Variants in CNKSR2 observed in about 807,000 individuals in gnomAD.
CNKSR2 encodes the protein connector enhancer of kinase suppressor of Ras 2.
In CNKSR2, 14 loss-of-function variants were observed where a neutral mutation model predicts 84.4. The observed-to-expected ratio is 0.17, with a 90% CI of 0.11 to 0.26. The LOEUF is 0.26. Among genes scored for constraint, CNKSR2 ranks in the 10% least tolerant of loss-of-function variants. The probability of loss-of-function intolerance (pLI) is 1.00; values close to 1 mark genes in which losing one functional copy is unlikely to be tolerated. For missense variants in CNKSR2, 485 were observed against 771.2 expected, an observed-to-expected ratio of 0.63 and a Z score of 4.40; for synonymous variants, 275 against 277.9, an observed-to-expected ratio of 0.99 and a Z score of 0.10.
At chrX:21,545,829 G>A (rs1431299562) in intron 11 of CNKSR2, among the ~76,000 whole-genome samples, 1 of 112,013 alleles carries the variant, frequency 8.9e-6, no homozygotes, top group African/African-American at 3.3e-5. Context: ...TGCACCAGAG[G>A]GACCTGACTG....
At chrX:21,622,984 G>C in intron 20 of CNKSR2, among the ~76,000 whole-genome samples, 2 of 111,256 alleles carry the variant, frequency 1.8e-5, no homozygotes, top group South Asian at 7.6e-4. Flanking sequence ...CTGTGTTCTT[G>C]CATGCCTCAG....
chrX:21,563,643 C>T (rs886425776), intron 13 of CNKSR2, among the ~76,000 whole-genome samples, 191 bp downstream of exon 13: 42 of 111,212 alleles, frequency 3.8e-4, no homozygotes, highest in African/African-American at 1.3e-3. Context: ...TCAATGAGTT[C>T]ATAGTTGTAG....
chrX:21,574,403 C>G (rs1019983452), intron 13 of CNKSR2, among the ~76,000 whole-genome samples: 1 of 111,544 alleles, frequency 9.0e-6, no homozygotes, highest in Non-Finnish European at 1.9e-5. Flanking sequence ...ACCCAGGACT[C>G]GGTAATTATA....
At chrX:21,378,154 C>G in intron 1 of CNKSR2, among the ~76,000 whole-genome samples, 1 of 111,539 alleles carries the variant, frequency 9.0e-6, no homozygotes, top group Middle Eastern at 4.7e-3. Flanking sequence ...AAATAAGTAG[C>G]TATATCCCAA....
At chrX:21,532,491 A>G (rs1251687970) in intron 11 of CNKSR2, among the ~76,000 whole-genome samples, 2 of 110,384 alleles carry the variant, frequency 1.8e-5, no homozygotes, top group Non-Finnish European at 3.8e-5. Context: ...AATTTTCTCG[A>G]GAAATTCTCA....
chrX:21,636,633 A>G (rs1424232714), intron 20 of CNKSR2, among the ~76,000 whole-genome samples: 1 of 111,249 alleles, frequency 9.0e-6, no homozygotes, highest in Admixed American at 9.7e-5. Context: ...ATATTTAAAA[A>G]TATGGATGGA....
At chrX:21,461,332 T>C (rs1335895290) in intron 4 of CNKSR2, among the ~76,000 whole-genome samples, 8 of 112,737 alleles carry the variant, frequency 7.1e-5, no homozygotes, top group Non-Finnish European at 1.1e-4. Flanking sequence ...GTATGTCTTC[T>C]TTTGAAAACT....
intron 4 of CNKSR2, among the ~76,000 whole-genome samples, chrX:21,447,340 C>T (rs1335577345): frequency 9.0e-6 from 1 of 111,444 alleles, no homozygotes; most frequent in Non-Finnish European, 1.9e-5. Context: ...CTCATCTTTA[C>T]AGCTGTGAAT....
chrX:21,404,816 C>T (rs1364556519), intron 1 of CNKSR2, among the ~76,000 whole-genome samples: 1 of 88,637 alleles, frequency 1.1e-5, no homozygotes, highest in Admixed American at 1.2e-4. Context: ...AAAAAAAGTA[C>T]AATATAAAGT....
chrX:21,581,841 A>T (rs2092355382), intron 13 of CNKSR2, among the ~76,000 whole-genome samples: 1 of 112,133 alleles, frequency 8.9e-6, no homozygotes. Context: ...AGTAGGTAAA[A>T]ACCATTCCTT....
At position 21,515,902 on chromosome X, in the gene CNKSR2, T is replaced by C. The variant is rs758733224; in HGVS notation, c.811-583T>C. Among the ~76,000 whole-genome samples the C allele has an allele frequency of 8.9e-5, 10 of 112,036 alleles. No homozygotes were observed. The South Asian group carries it at 2.9e-3, about 33-fold the overall frequency. On this transcript the variant is annotated intron_variant, in intron 8 of 21. Coordinates refer to ENST00000379510, the MANE Select transcript of CNKSR2 (RefSeq NM_014927.5). ...CTGCTTCATTGGAGTAGTATTATCT[T>C]GTTATTTTTGTTCTATCTTTATAGC...
At chrX:21,375,498 C>G (rs898628279) in intron 1 of CNKSR2, among the ~76,000 whole-genome samples, 7 of 112,205 alleles carry the variant, frequency 6.2e-5, no homozygotes, top group Admixed American at 1.9e-4. Flanking sequence ...TGGCATCCCC[C>G]CACACCCAGA....
chrX:21,408,852 G>A (rs1460569149), intron 1 of CNKSR2, among the ~76,000 whole-genome samples: 1 of 110,487 alleles, frequency 9.1e-6, no homozygotes, highest in Non-Finnish European at 1.9e-5. Flanking sequence ...TTTTTCAGCA[G>A]TAATGTAATC....
intron 13 of CNKSR2, among the ~76,000 whole-genome samples, chrX:21,582,032 A>G (rs1176774824): frequency 9.0e-6 from 1 of 111,650 alleles, no homozygotes; most frequent in Non-Finnish European, 1.9e-5. Context: ...AGTTCTGTTA[A>G]TAGGCTTGTA....
At chrX:21,506,994 T>C (rs1354300879) in intron 8 of CNKSR2, among the ~76,000 whole-genome samples, 4 of 109,277 alleles carry the variant, frequency 3.7e-5, no homozygotes. Flanking sequence ...CCCGTTTTTT[T>C]TTTTTATCTC....
At chrX:21,443,347 C>T (rs1349971821) in intron 4 of CNKSR2, among the ~76,000 whole-genome samples, 1 of 111,174 alleles carries the variant, frequency 9.0e-6, no homozygotes, top group Non-Finnish European at 1.9e-5. Flanking sequence ...GCTGCATTTA[C>T]AGTGAAATCT....
intron 1 of CNKSR2, among the ~76,000 whole-genome samples, chrX:21,377,501 C>A (rs2089835849): frequency 8.9e-6 from 1 of 111,801 alleles, no homozygotes; most frequent in South Asian, 3.7e-4. Flanking sequence ...AAAGGCAGTA[C>A]CAAAGAATGA....
intron 8 of CNKSR2, among the ~76,000 whole-genome samples, chrX:21,510,581 A>G (rs1179147442): frequency 9.0e-6 from 1 of 110,906 alleles, no homozygotes; most frequent in Non-Finnish European, 1.9e-5. Context: ...TTCAGCACCA[A>G]CCCCAAAGCC....
At chrX:21,395,043 A>G (rs1342310726) in intron 1 of CNKSR2, among the ~76,000 whole-genome samples, 1 of 111,900 alleles carries the variant, frequency 8.9e-6, no homozygotes. Flanking sequence ...TTAAGACTGC[A>G]AATTAGTTCC....
Sources: gnomAD v4.1 joint callset for allele counts (sites outside exome capture counted in the v4.1 genomes callset) on GRCh38, gnomAD v4.1.1 for gene constraint, MANE v1.5 for transcripts, NCBI Gene and HGNC (gene_info 2026-07-23, HGNC 2026-07-21) for gene names.